Variants in SLC2A4RG observed in about 807,000 individuals in gnomAD.
The protein encoded by SLC2A4RG is GLUT4 enhancer factor.
Under a neutral mutation model 35.5 loss-of-function variants are expected in SLC2A4RG, and 23 were observed. The observed-to-expected ratio is 0.65, with a 90% confidence interval of 0.47 to 0.92. The LOEUF is 0.92. SLC2A4RG is among the 40% of genes least tolerant of loss of function. The pLI is 0.00. For synonymous variants in SLC2A4RG, 306 were observed against 243.7 expected, an observed-to-expected ratio of 1.26 and a Z score of -2.38; for missense variants, 539 against 525.0, an observed-to-expected ratio of 1.03 and a Z score of -0.26.
At chr20:63,742,815 G>A in intron 7 of SLC2A4RG, 25 bp downstream of exon 7, 2 of 1,575,122 alleles carry the variant, frequency 1.3e-6, no homozygotes, top group Admixed American at 1.8e-5. Context: ...AGGGCCTGCG[G>A]CTGGCACCAG....
rs371556870 is a variant in SLC2A4RG at position 63,742,321 on chromosome 20, C to T, written c.681-15C>T. The stretch of plus-strand genomic sequence containing the variant: ...CACCCCTTCAGCTCCCACTGGCTGG[C>T]TGTGTCTCCCGCAGGAGGCAGGCAG... On this transcript the variant is annotated splice_polypyrimidine_tract_variant and intron_variant, in intron 5 of 7. Transcript: ENST00000266077. 6 of 1,605,082 alleles carry T rather than the reference C, an allele frequency of 3.7e-6. No individual in the cohort carries two copies. Among genetic ancestry groups the T allele is most frequent in the Non-Finnish European group, 5.1e-6 (6 of 1,176,226 alleles).
Position 63,742,348 on chromosome 20 carries a change from G to T in SLC2A4RG, c.693G>T (p.Glu231Asp), listed in dbSNP as rs142486607. 228 of 1,609,266 alleles carry T rather than the reference G, an allele frequency of 1.4e-4. No homozygotes were observed. In the African/African-American group the frequency reaches 2.5e-3, roughly 18 times the overall value. ...IRLVHLGRQA[E>D]PEQSDGEEDF... ...GTGTCTCCCGCAGGAGGCAGGCAGAGCCTGAGCAGAGTGATGGTGAGGAGG... is the reference window on the plus strand; with the variant it reads ...GTGTCTCCCGCAGGAGGCAGGCAGATCCTGAGCAGAGTGATGGTGAGGAGG... Residue 231 changes from glutamate (E) to aspartate (D), a missense_variant, in exon 6 of 8, where the codon GAG (glutamate) becomes GAT (aspartate). Glu to Asp is a conservative substitution (Grantham distance 45). Transcript: ENST00000266077.
rs1273440367 is a variant in SLC2A4RG at position 63,743,635 on chromosome 20, G to A, written c.*645G>A. ...GCCGCCGCCACCCCAGGCGAGGCCGGAGGAAGGATCATCTGAGACGCAGGA... is the reference window on the plus strand; with the variant it reads ...GCCGCCGCCACCCCAGGCGAGGCCGAAGGAAGGATCATCTGAGACGCAGGA... On this transcript the variant is annotated 3_prime_UTR_variant, in exon 8 of 8. Transcript: ENST00000266077. 6.6e-6 allele frequency: 1 copy of A among 152,444 alleles called. No homozygotes were observed. The highest frequency in any genetic ancestry group is 2.4e-5 in the African/African-American group (1 of 41,474). The allele number at this position is 152,444 out of a possible 1,614,324, so 9.4% of individuals were successfully genotyped here. A position where few individuals can be genotyped will look rare whatever the true frequency, so the allele number is the denominator to read the frequency against.
At chr20:63,742,824 A>G (rs1208693826) in intron 7 of SLC2A4RG, 34 bp downstream of exon 7, 1 of 1,579,848 alleles carries the variant, frequency 6.3e-7, no homozygotes, top group Non-Finnish European at 8.6e-7. Context: ...GGCTGGCACC[A>G]GGTGGGGAGG....
Position 63,742,377 on chromosome 20 carries a change from TCTA to T in SLC2A4RG, c.727_729del (p.Tyr243del). 1.2e-6 allele frequency: 2 copies of T among 1,611,000 alleles called. No individual in the cohort carries two copies. Among genetic ancestry groups the T allele is most frequent in the Non-Finnish European group, 1.7e-6 (2 of 1,178,806 alleles). On this transcript the variant is annotated inframe_deletion, in exon 6 of 8. Transcript: ENST00000266077. ...GAGCAGAGTGATGGTGAGGAGGACT[TCTA>T]CTACACAGAGCTGGATGTTGGTGTG... is the stretch of plus-strand genomic sequence containing the variant.
Position 63,741,952 on chromosome 20 carries a change from T to G in SLC2A4RG, c.475T>G (p.Trp159Gly), listed in dbSNP as rs1415206534. 8.1e-6 allele frequency: 13 copies of G among 1,612,664 alleles called. No individual in the cohort carries two copies. The highest frequency in any genetic ancestry group is 1.1e-5 in the Non-Finnish European group (13 of 1,179,808). ...CAGCAGCAACAGTGGAGACTGGGGA[T>G]GGGACCTGGCCAGTGACCAGTCCTC... The part of the protein sequence containing the change: ...SSSSNSGDWG[W>G]DLASDQSSPS... The change falls in exon 4 of 8, where the codon TGG becomes GGG. Residue 159 changes from tryptophan to glycine, a missense_variant. By Grantham distance (184) the Trp-to-Gly change is radical. Transcript: ENST00000266077.
chr20:63,740,216 G>A (rs112844107), intron 1 of SLC2A4RG, 161 bp from the exon 2 acceptor site: 2 of 424,190 alleles, frequency 4.7e-6, no homozygotes, highest in Non-Finnish European at 6.5e-6. Flanking sequence ...AGCCCTTCCC[G>A]CCGCGCCGGG....
Position 63,742,794 on chromosome 20 carries a change from C to G in SLC2A4RG, c.1052+4C>G. The G allele has an allele frequency of 6.3e-7, 1 of 1,578,780 alleles. No homozygotes were observed. Among genetic ancestry groups the G allele is most frequent in the Non-Finnish European group, 8.6e-7 (1 of 1,162,018 alleles). ...CCAGGATCGGAGTCACCCTGAGGTG[C>G]GTGTGGGCTGAGGGCCTGCGGCTGG... is the stretch of plus-strand genomic sequence containing the variant. On this transcript the variant is annotated splice_donor_region_variant and intron_variant, in intron 7 of 7. Transcript: ENST00000266077.
chr20:63,739,826 G>T lies in SLC2A4RG; in HGVS notation c.-87G>T. 1.0e-6 allele frequency: 1 copy of T among 975,786 alleles called. No individual in the cohort carries two copies. The highest frequency in any genetic ancestry group is 5.3e-4 in the Middle Eastern group (1 of 1,888). 60.4% of individuals were successfully genotyped at this position (975,786 alleles called of 1,614,324 possible). On this transcript the variant is annotated 5_prime_UTR_variant, in exon 1 of 8. Transcript: ENST00000266077. ...GGCGGCCGGATCCAGGGCGGGGGTC[G>T]GCGGCCCGGCCAGCCCGGCCCGGCC... is the stretch of plus-strand genomic sequence containing the variant.
Position 63,742,443 on chromosome 20 carries a change from T to A in SLC2A4RG, c.788T>A (p.Val263Glu). Residue 263 changes from valine (V) to glutamate (E), a missense_variant, in exon 6 of 8, where the codon GTG becomes GAG. Physicochemically the swap from Val to Glu is moderately radical, Grantham distance 121. Transcript: ENST00000266077. Reference protein sequence around the residue: ...LTDGLSSLTPVSPTASMPPAF... With the variant: ...LTDGLSSLTPESPTASMPPAF... ...GACGGGCTGTCCAGCCTGACTCCAGTGTCCCCCACGGCCTCCATGCCGCCT... is the reference window on the plus strand; with the variant it reads ...GACGGGCTGTCCAGCCTGACTCCAGAGTCCCCCACGGCCTCCATGCCGCCT... 1 of 1,604,296 alleles carries A rather than the reference T, an allele frequency of 6.2e-7. No individual in the cohort carries two copies. Among genetic ancestry groups the A allele is most frequent in the Non-Finnish European group, 8.5e-7 (1 of 1,176,272 alleles).
At chr20:63,740,332 C>T (rs995778243) in intron 1 of SLC2A4RG, 45 bp from the exon 2 acceptor site, 21 of 1,196,466 alleles carry the variant, frequency 1.8e-5, no homozygotes, top group African/African-American at 3.2e-5. Context: ...GACCCCCCTC[C>T]CCCGGCCACC....
At chr20:63,740,609 G>C in intron 2 of SLC2A4RG, 78 bp downstream of exon 2, 1 of 1,204,818 alleles carries the variant, frequency 8.3e-7, no homozygotes, top group Admixed American at 4.3e-5. Flanking sequence ...CGGCCCCGAC[G>C]GAGGCCAGGT....
chr20:63,742,645 C>T (rs180790609), intron 6 of SLC2A4RG, 30 bp downstream of exon 6: 144 of 1,578,330 alleles, frequency 9.1e-5, no homozygotes, highest in East Asian at 1.8e-4. Flanking sequence ...GCAGCTGGGG[C>T]GGGTCTCAGG....
rs922068287 is a variant in SLC2A4RG at position 63,743,156 on chromosome 20, C to T, written c.*166C>T. The T allele has an allele frequency of 1.6e-5, 9 of 572,290 alleles. No individual in the cohort carries two copies. Among genetic ancestry groups the T allele is most frequent in the African/African-American group, 9.4e-5 (5 of 53,060 alleles). 35.5% of individuals were successfully genotyped at this position (572,290 alleles called of 1,614,324 possible). On this transcript the variant is annotated 3_prime_UTR_variant, in exon 8 of 8. Transcript: ENST00000266077. ...GGGGCTGACCCTGAACCCTCCCCCCCGCCAGGTCGGGGAGGGGTCCCACCA... is the reference window on the plus strand; with the variant it reads ...GGGGCTGACCCTGAACCCTCCCCCCTGCCAGGTCGGGGAGGGGTCCCACCA...
In SLC2A4RG at chr20:63,743,936, T is replaced by C. The variant is rs1175437082; in HGVS notation, c.*946T>C. On this transcript the variant is annotated 3_prime_UTR_variant, in exon 8 of 8. Coordinates refer to ENST00000266077, the MANE Select transcript of SLC2A4RG (RefSeq NM_020062.4). ...TAAGTAATAGGAAGTCAATATAATA[T>C]AGATTATCCCCAGAAAAAAATCAAC... The C allele has an allele frequency of 6.6e-6, 1 of 152,568 alleles. No individual in the cohort carries two copies. The highest frequency in any genetic ancestry group is 1.5e-5 in the Non-Finnish European group (1 of 68,016). The allele number at this position is 152,568 out of a possible 1,614,324, so 9.5% of individuals were successfully genotyped here. A position where few individuals can be genotyped will look rare whatever the true frequency, so the allele number is the denominator to read the frequency against.
rs779177653 is a variant in SLC2A4RG, at chr20:63,742,555, G to A, written c.900G>A (p.Pro300=). ...PLRPPAPPLP[P]PPVLSTVANP... is the part of the protein sequence containing the mutation. ...GGCCGCCTGCCCCGCCCCTGCCCCC[G>A]CCCCCTGTCCTGAGCACCGTTGCTA... The change falls in exon 6 of 8, where the codon CCG becomes CCA. Residue 300 remains proline, a synonymous_variant. Coordinates refer to ENST00000266077, the MANE Select transcript of SLC2A4RG (RefSeq NM_020062.4). 2.6e-5 allele frequency: 39 copies of A among 1,522,334 alleles called. 1 individual carries two copies. The South Asian group carries it at 3.0e-4, about 12-fold the overall frequency. 94.3% of individuals were successfully genotyped at this position (1,522,334 alleles called of 1,614,324 possible). A position where few individuals can be genotyped will look rare whatever the true frequency, so the allele number is the denominator to read the frequency against.
chr20:63,740,608 C>G, intron 2 of SLC2A4RG, 77 bp downstream of exon 2: 1 of 1,207,344 alleles, frequency 8.3e-7, no homozygotes, highest in East Asian at 3.2e-5. Context: ...CCGGCCCCGA[C>G]GGAGGCCAGG....
Position 63,743,039 on chromosome 20 carries a change from C to T in SLC2A4RG, c.*49C>T, listed in dbSNP as rs140102709. ...GCTACCACCTTCTCCCTCCCCACCC[C>T]CTCCAGGCCCGGGGCTGAAACAGCC... On this transcript the variant is annotated 3_prime_UTR_variant, in exon 8 of 8. Coordinates refer to ENST00000266077, the MANE Select transcript of SLC2A4RG (RefSeq NM_020062.4). 21 of 1,469,144 alleles carry T rather than the reference C, an allele frequency of 1.4e-5. No individual in the cohort carries two copies. In the African/African-American group the frequency reaches 2.5e-4, roughly 18 times the overall value. 91.0% of individuals were successfully genotyped at this position (1,469,144 alleles called of 1,614,324 possible). A position where few individuals can be genotyped will look rare whatever the true frequency, so the allele number is the denominator to read the frequency against.
chr20:63,742,101 G>A (rs2092045379), intron 4 of SLC2A4RG, 29 bp from the exon 5 acceptor site: 6 of 1,604,940 alleles, frequency 3.7e-6, no homozygotes, highest in Non-Finnish European at 5.1e-6. Flanking sequence ...TGTGGCGGCT[G>A]AGCCTGACCC....
Sources: gnomAD v4.1 joint callset for allele counts on GRCh38, gnomAD v4.1.1 for gene constraint, MANE v1.5 for transcripts, NCBI Gene and HGNC (gene_info 2026-07-23, HGNC 2026-07-21) for gene names.